Variants in ZBTB20 observed in about 807,000 individuals in gnomAD.
ZBTB20 encodes the protein zinc finger and BTB domain containing 20.
Under a neutral mutation model 56.9 loss-of-function variants are expected in ZBTB20, and 9 were observed. The ratio of observed to expected loss-of-function variants is 0.16; its 90% CI spans 0.10 to 0.28. ZBTB20 has a LOEUF of 0.28. Among genes scored for constraint, ZBTB20 ranks in the 10% least tolerant of loss-of-function variants. The pLI, the probability that ZBTB20 is intolerant of heterozygous loss-of-function variation, is 1.00. For synonymous variants in ZBTB20, 417 were observed against 420.7 expected, an observed-to-expected ratio of 0.99 and a Z score of 0.11; for missense variants, 655 against 1,003.0, an observed-to-expected ratio of 0.65 and a Z score of 4.69.
At chr3:114,791,007 G>A (rs1193042145) in intron 5 of ZBTB20, among the ~76,000 whole-genome samples, 1 of 152,000 alleles carries the variant, frequency 6.6e-6, no homozygotes, top group Non-Finnish European at 1.5e-5. Context: ...ACCTCAAAGT[G>A]ATTTACATTT....
chr3:114,653,742 T>G (rs754294555), intron 6 of ZBTB20, among the ~76,000 whole-genome samples: 1 of 151,944 alleles, frequency 6.6e-6, no homozygotes, highest in Non-Finnish European at 1.5e-5. Context: ...AGGGAAACTA[T>G]CTAAACCTGA....
At chr3:114,798,391 T>A (rs1440096057) in intron 5 of ZBTB20, among the ~76,000 whole-genome samples, 1 of 151,452 alleles carries the variant, frequency 6.6e-6, no homozygotes, top group Non-Finnish European at 1.5e-5. Flanking sequence ...TAACAACCAA[T>A]GTTTTCAGGA....
At chr3:115,064,997 T>C (rs1270531284) in intron 2 of ZBTB20, among the ~76,000 whole-genome samples, 2 of 152,182 alleles carry the variant, frequency 1.3e-5, no homozygotes, top group Non-Finnish European at 2.9e-5. Context: ...CTGAAAAATT[T>C]TACCATATAC....
At chr3:114,699,871 T>C (rs2063289074) in intron 5 of ZBTB20, among the ~76,000 whole-genome samples, 1 of 152,082 alleles carries the variant, frequency 6.6e-6, no homozygotes, top group Non-Finnish European at 1.5e-5. Context: ...CAAAAGCATA[T>C]ATTTTGAGGC....
At chr3:114,907,718 C>A (rs1177340499) in intron 3 of ZBTB20, among the ~76,000 whole-genome samples, 1 of 151,840 alleles carries the variant, frequency 6.6e-6, no homozygotes, top group Non-Finnish European at 1.5e-5. Flanking sequence ...AATATACAAC[C>A]ATTGGATATT....
intron 5 of ZBTB20, among the ~76,000 whole-genome samples, chr3:114,707,626 C>T (rs867450206): frequency 2.6e-5 from 4 of 152,180 alleles, no homozygotes; most frequent in Admixed American, 6.5e-5. Context: ...CTATGAGTGT[C>T]CCCTGGAGGG....
intron 3 of ZBTB20, among the ~76,000 whole-genome samples, chr3:114,928,599 A>C (rs769715568): frequency 3.9e-5 from 6 of 152,224 alleles, no homozygotes; most frequent in Non-Finnish European, 5.9e-5. Context: ...AAAAATTAAA[A>C]ATGTAGACTC....
chr3:114,955,235 C>T (rs1447022419), intron 3 of ZBTB20, among the ~76,000 whole-genome samples: 10 of 152,186 alleles, frequency 6.6e-5, no homozygotes, highest in Admixed American at 6.5e-4. Flanking sequence ...TGGCAGTAGA[C>T]AGAGACAGCA....
chr3:114,540,690 ACCTAAT>A, intron 6 of ZBTB20, among the ~76,000 whole-genome samples: 1 of 152,248 alleles, frequency 6.6e-6, no homozygotes, highest in Non-Finnish European at 1.5e-5. Context: ...GAGCTTAAGT[ACCTAAT>A]TATTAAGAGC....
At chr3:114,573,845 T>G (rs2053713140) in intron 6 of ZBTB20, among the ~76,000 whole-genome samples, 2 of 152,152 alleles carry the variant, frequency 1.3e-5, no homozygotes, top group African/African-American at 4.8e-5. Context: ...ACTGCTTGCT[T>G]AAAACTTTTA....
chr3:115,035,382 A>G (rs751916555), intron 2 of ZBTB20, among the ~76,000 whole-genome samples: 1 of 152,124 alleles, frequency 6.6e-6, no homozygotes, highest in Non-Finnish European at 1.5e-5. Context: ...AAAAATCTGA[A>G]TCAAAACTGT....
chr3:114,683,955 T>A (rs569507598), intron 6 of ZBTB20, among the ~76,000 whole-genome samples: 1 of 152,250 alleles, frequency 6.6e-6, no homozygotes, highest in East Asian at 1.9e-4. Flanking sequence ...ATATACTGTG[T>A]AGTCTGATAT....
chr3:114,585,656 C>A (rs2055108197), intron 6 of ZBTB20, among the ~76,000 whole-genome samples: 1 of 152,104 alleles, frequency 6.6e-6, no homozygotes, highest in East Asian at 1.9e-4. Context: ...ATACCTAATC[C>A]CTAGGCAGGT....
At chr3:115,067,707 C>G (rs762370754) in intron 2 of ZBTB20, among the ~76,000 whole-genome samples, 1 of 152,066 alleles carries the variant, frequency 6.6e-6, no homozygotes, top group Non-Finnish European at 1.5e-5. Flanking sequence ...GGCTTCTAAG[C>G]AAAATAGAAC....
chr3:114,556,685 T>G (rs2051263067), intron 6 of ZBTB20, among the ~76,000 whole-genome samples: 1 of 152,086 alleles, frequency 6.6e-6, no homozygotes, highest in Admixed American at 6.6e-5. Flanking sequence ...CCCTCGCAGA[T>G]GAGTTATGCC....
At chr3:114,880,493 C>T (rs1180584143) in intron 4 of ZBTB20, among the ~76,000 whole-genome samples, 1 of 152,066 alleles carries the variant, frequency 6.6e-6, no homozygotes, top group African/African-American at 2.4e-5. Context: ...GGGACAGACA[C>T]AGCAATGTGT....
intron 6 of ZBTB20, among the ~76,000 whole-genome samples, chr3:114,668,294 C>T (rs2061170037): frequency 6.6e-6 from 1 of 151,938 alleles, no homozygotes; most frequent in South Asian, 2.1e-4. Context: ...AGCCACTTAA[C>T]TTCTCAGTAC....
intron 1 of ZBTB20, among the ~76,000 whole-genome samples, chr3:115,124,439 A>G (rs1173566276): frequency 6.6e-6 from 1 of 152,226 alleles, no homozygotes; most frequent in Non-Finnish European, 1.5e-5. Context: ...TAAAAAATAC[A>G]TATGCATTGA....
In ZBTB20 at chr3:114,626,235, G is replaced by A. The variant is rs1036812450; in HGVS notation, c.-295+67293C>T. Among the ~76,000 whole-genome samples the A allele has an allele frequency of 7.9e-5, 12 of 152,304 alleles. No homozygotes were observed. In the South Asian group the frequency reaches 2.5e-3, roughly 32 times the overall value. On this transcript the variant is annotated intron_variant, in intron 6 of 11. Coordinates refer to ENST00000675478, the MANE Select transcript of ZBTB20 (RefSeq NM_001348800.3). ...AAATAAACTTTCAGCTTTCATTTCA[G>A]AGGGTATTAAGTCATCTGAACACAT...
Sources: allele counts gnomAD v4.1 joint callset (sites outside exome capture counted in the v4.1 genomes callset), GRCh38; gene constraint gnomAD v4.1.1; transcripts MANE v1.5; gene names NCBI Gene and HGNC (gene_info 2026-07-23, HGNC 2026-07-21).